Variants in GALNT3 observed in about 807,000 individuals in gnomAD.
GALNT3 encodes the protein GalNAc transferase 3.
GALNT3 carries 51 observed loss-of-function variants against 69.8 expected under a neutral mutation model. The observed-to-expected ratio is 0.73, with a 90% confidence interval of 0.58 to 0.92. GALNT3 has a LOEUF of 0.92. Ranked by LOEUF, GALNT3 falls within the 40% of genes least tolerant of loss-of-function variation. The probability of loss-of-function intolerance (pLI) is 0.00; values close to 1 mark genes in which losing one functional copy is unlikely to be tolerated. For missense variants in GALNT3, 711 were observed against 760.0 expected (o/e 0.94, Z 0.76); for synonymous variants, 265 against 248.5 (o/e 1.07, Z -0.63).
chr2:165,779,475 T>C (rs1245684475), intron 1 of GALNT3, among the ~76,000 whole-genome samples: 1 of 152,168 alleles, frequency 6.6e-6, no homozygotes. Context: ...CTAACTGTCC[T>C]TCTTTATAAG....
At chr2:165,778,648 C>G (rs770839054) in intron 1 of GALNT3, among the ~76,000 whole-genome samples, 3 of 152,172 alleles carry the variant, frequency 2.0e-5, no homozygotes, top group Non-Finnish European at 4.4e-5. Flanking sequence ...CTAGCTTTGA[C>G]TACCTGGTAA....
chr2:165,785,049 A>C (rs1683190916), intron 1 of GALNT3, among the ~76,000 whole-genome samples: 1 of 152,190 alleles, frequency 6.6e-6, no homozygotes, highest in Admixed American at 6.5e-5. Context: ...AGGGCTGCTT[A>C]CTACTGTAGT....
chr2:165,770,980 G>A (rs1574009136), intron 1 of GALNT3, among the ~76,000 whole-genome samples, 172 bp from the exon 2 acceptor site: 1 of 151,956 alleles, frequency 6.6e-6, no homozygotes, highest in Non-Finnish European at 1.5e-5. Flanking sequence ...GAAAATAATT[G>A]TTACAATTTA....
intron 1 of GALNT3, among the ~76,000 whole-genome samples, chr2:165,777,756 G>C (rs917738123): frequency 6.6e-6 from 1 of 152,160 alleles, no homozygotes; most frequent in Non-Finnish European, 1.5e-5. Flanking sequence ...TCTCAGAGGG[G>C]GCAGCAGTAG....
At chr2:165,780,648 TG>T (rs367575229) in intron 1 of GALNT3, among the ~76,000 whole-genome samples, 941 of 45,014 alleles carry the variant, frequency 0.021, 5 homozygotes, top group African/African-American at 0.053. Flanking sequence ...GGGGTTTTTT[TG>T]TTGTTGTTGT....
intron 1 of GALNT3, among the ~76,000 whole-genome samples, chr2:165,778,383 T>C (rs1211002729): frequency 6.6e-6 from 1 of 152,202 alleles, no homozygotes; most frequent in Non-Finnish European, 1.5e-5. Context: ...GTAAACATAG[T>C]TGTTGGCTTT....
At chr2:165,763,388 T>C (rs1303133816) in intron 3 of GALNT3, among the ~76,000 whole-genome samples, 7 of 152,158 alleles carry the variant, frequency 4.6e-5, no homozygotes, top group Non-Finnish European at 1.0e-4. Flanking sequence ...GCTTAAACAT[T>C]CATAAGAGAG....
chr2:165,757,410 G>A (rs1688465504), intron 6 of GALNT3, among the ~76,000 whole-genome samples, 163 bp from the exon 7 acceptor site: 1 of 152,190 alleles, frequency 6.6e-6, no homozygotes, highest in African/African-American at 2.4e-5. Context: ...GTTCTTAAGT[G>A]TAAGGAATTA....
intron 1 of GALNT3, among the ~76,000 whole-genome samples, chr2:165,775,045 G>A (rs1688821840): frequency 6.7e-6 from 1 of 150,202 alleles, no homozygotes; most frequent in African/African-American, 2.5e-5. Flanking sequence ...ATGAGCTACT[G>A]CGCCTAGCCT....
intron 1 of GALNT3, among the ~76,000 whole-genome samples, chr2:165,775,411 G>A (rs563570192): frequency 1.5e-4 from 23 of 151,908 alleles, no homozygotes; most frequent in African/African-American, 5.6e-4. Flanking sequence ...AGATTAAGAG[G>A]TTGAGAACCT....
intron 2 of GALNT3, among the ~76,000 whole-genome samples, chr2:165,768,950 C>G (rs1028220600): frequency 1.3e-5 from 2 of 151,452 alleles, no homozygotes; most frequent in Admixed American, 6.6e-5. Flanking sequence ...ACACGGCACC[C>G]TGTCCGGCTA....
intron 1 of GALNT3, among the ~76,000 whole-genome samples, chr2:165,776,398 T>G (rs1688846690): frequency 6.6e-6 from 1 of 152,174 alleles, no homozygotes; most frequent in Non-Finnish European, 1.5e-5. Flanking sequence ...TAGAAATGAT[T>G]AGCAGATAAA....
At chr2:165,771,556 A>G (rs1291679410) in intron 1 of GALNT3, 2 of 152,208 alleles carry the variant, frequency 1.3e-5, no homozygotes, top group Admixed American at 1.3e-4. Context: ...TTGGTTTGAT[A>G]AAATATTGCT....
At position 165,756,146 on chromosome 2, in the gene GALNT3, G is replaced by A. The variant is rs922001458; in HGVS notation, c.1392+901C>T. On this transcript the variant is annotated intron_variant, in intron 7 of 10. Coordinates refer to ENST00000392701, the MANE Select transcript of GALNT3 (RefSeq NM_004482.4). The stretch of plus-strand genomic sequence containing the variant: ...GGAGACCAGAGAAAAAGGGAAAGAG[G>A]TAACCAAATCGTTCTTCACCGCAAC... 9.2e-5 allele frequency among the ~76,000 whole-genome samples: 14 copies of A among 152,096 alleles called. No homozygotes were observed. In the East Asian group the frequency reaches 1.9e-3, roughly 21 times the overall value.
chr2:165,767,914 A>C (rs1688673306), intron 2 of GALNT3, among the ~76,000 whole-genome samples: 1 of 125,940 alleles, frequency 7.9e-6, no homozygotes, highest in Non-Finnish European at 1.6e-5. Flanking sequence ...TTGCTCTGTC[A>C]CCAGGCTGGA....
intron 7 of GALNT3, 35 bp downstream of exon 7, chr2:165,757,012 T>C: frequency 2.0e-6 from 3 of 1,520,424 alleles, no homozygotes; most frequent in Non-Finnish European, 2.7e-6. Context: ...TTGTTATAGA[T>C]TTTATTGCAA....
intron 1 of GALNT3, among the ~76,000 whole-genome samples, chr2:165,785,423 G>A (rs1220846780): frequency 6.6e-6 from 1 of 152,046 alleles, no homozygotes; most frequent in Non-Finnish European, 1.5e-5. Context: ...GAAGAAAACT[G>A]GTGTCAGAGG....
rs559728942 is a variant in GALNT3 at position 165,760,615 on chromosome 2, T to C, written c.839-1045A>G. 7.2e-5 allele frequency among the ~76,000 whole-genome samples: 11 copies of C among 152,328 alleles called. No individual in the cohort carries two copies. The East Asian group carries it at 1.9e-3, about 27-fold the overall frequency. On this transcript the variant is annotated intron_variant, in intron 4 of 10. Transcript: ENST00000392701. ...TCCTTTTTAAAGCACCTCTCTAGCA[T>C]TACCTTTAGTGTTCTCTTCATTTTC...
At chr2:165,765,427 T>G (rs1230118547) in intron 2 of GALNT3, among the ~76,000 whole-genome samples, 1 of 152,144 alleles carries the variant, frequency 6.6e-6, no homozygotes, top group East Asian at 1.9e-4. Flanking sequence ...AAAAACCAAA[T>G]TTTTCTTATT....
Sources: gnomAD v4.1 joint callset for allele counts (sites outside exome capture counted in the v4.1 genomes callset) on GRCh38, gnomAD v4.1.1 for gene constraint, MANE v1.5 for transcripts, NCBI Gene and HGNC (gene_info 2026-07-23, HGNC 2026-07-21) for gene names.